HS6ST3: variants seen among roughly 807,000 people sequenced by gnomAD.
The protein encoded by HS6ST3 is heparan-sulfate 6-O-sulfotransferase 3.
Under a neutral mutation model 36.7 loss-of-function variants are expected in HS6ST3, and 12 were observed. The observed-to-expected ratio is 0.33, with a 90% CI of 0.21 to 0.53. The LOEUF (loss-of-function observed/expected upper bound fraction) is 0.53, where lower values mean the gene tolerates loss of function less well. Ranked by LOEUF, HS6ST3 falls within the 20% of genes least tolerant of loss-of-function variation. The pLI, the probability that HS6ST3 is intolerant of heterozygous loss-of-function variation, is 0.95. For synonymous variants in HS6ST3, 240 were observed against 257.5 expected, an observed-to-expected ratio of 0.93 and a Z score of 0.65; for missense variants, 584 against 640.9, an observed-to-expected ratio of 0.91 and a Z score of 0.96.
intron 1 of HS6ST3, among the ~76,000 whole-genome samples, chr13:96,335,386 C>T (rs565603373): frequency 1.3e-5 from 2 of 152,184 alleles, no homozygotes; most frequent in African/African-American, 2.4e-5. Flanking sequence ...TTTGAACTGA[C>T]CTTGGTGATG....
intron 1 of HS6ST3, among the ~76,000 whole-genome samples, chr13:96,269,988 G>A (rs2054712070): frequency 6.6e-6 from 1 of 151,938 alleles, no homozygotes; most frequent in African/African-American, 2.4e-5. Context: ...AGACTTATCA[G>A]AATGCAGCCA....
At chr13:96,456,295 C>A (rs1464908927) in intron 1 of HS6ST3, among the ~76,000 whole-genome samples, 1 of 152,100 alleles carries the variant, frequency 6.6e-6, no homozygotes, top group East Asian at 1.9e-4. Flanking sequence ...TGTGAGAAAT[C>A]ATTTCTGCTG....
intron 1 of HS6ST3, among the ~76,000 whole-genome samples, chr13:96,207,191 A>G (rs2054374794): frequency 6.6e-6 from 1 of 152,224 alleles, no homozygotes; most frequent in South Asian, 2.1e-4. Context: ...TGTGGCCAAC[A>G]AATACGAAAA....
At chr13:96,340,569 A>G (rs1488013461) in intron 1 of HS6ST3, among the ~76,000 whole-genome samples, 2 of 152,172 alleles carry the variant, frequency 1.3e-5, no homozygotes, top group African/African-American at 4.8e-5. Flanking sequence ...CACACTATAG[A>G]CACAGGTGCA....
chr13:96,568,388 T>G (rs1397523404), intron 1 of HS6ST3, among the ~76,000 whole-genome samples: 2 of 152,186 alleles, frequency 1.3e-5, no homozygotes, highest in Non-Finnish European at 2.9e-5. Flanking sequence ...TTCCTCAGCC[T>G]CCTGAGTAGC....
intron 1 of HS6ST3, among the ~76,000 whole-genome samples, chr13:96,596,217 G>A (rs1371625416): frequency 1.3e-5 from 2 of 152,104 alleles, no homozygotes; most frequent in Non-Finnish European, 1.5e-5. Context: ...CCATTTCTGA[G>A]TTACTTCACC....
intron 1 of HS6ST3, among the ~76,000 whole-genome samples, chr13:96,602,917 A>G (rs2056426655): frequency 6.6e-6 from 1 of 152,150 alleles, no homozygotes; most frequent in Non-Finnish European, 1.5e-5. Context: ...TGAAAGATGG[A>G]TGACATGTTT....
At chr13:96,419,748 T>C (rs185360113) in intron 1 of HS6ST3, among the ~76,000 whole-genome samples, 2 of 152,238 alleles carry the variant, frequency 1.3e-5, no homozygotes, top group Non-Finnish European at 2.9e-5. Context: ...TCTTTGGCCT[T>C]CTTTGGCTGT....
At chr13:96,741,658 C>T (rs563114546) in intron 1 of HS6ST3, among the ~76,000 whole-genome samples, 41 of 152,292 alleles carry the variant, frequency 2.7e-4, no homozygotes, top group South Asian at 6.2e-4. Context: ...CACTGACTGA[C>T]AAGCTTTACC....
chr13:96,513,479 C>G (rs2056059182), intron 1 of HS6ST3, among the ~76,000 whole-genome samples: 1 of 152,086 alleles, frequency 6.6e-6, no homozygotes, highest in African/African-American at 2.4e-5. Context: ...ATAATTTTCA[C>G]CATGATACTG....
At chr13:96,708,600 A>T (rs1566435112) in intron 1 of HS6ST3, among the ~76,000 whole-genome samples, 1 of 152,138 alleles carries the variant, frequency 6.6e-6, no homozygotes, top group Non-Finnish European at 1.5e-5. Flanking sequence ...GGCCAGGCAT[A>T]TACACAACTA....
chr13:96,803,706 C>T (rs1878135452), intron 1 of HS6ST3, among the ~76,000 whole-genome samples: 1 of 152,112 alleles, frequency 6.6e-6, no homozygotes, highest in Non-Finnish European at 1.5e-5. Flanking sequence ...AGATCCAATA[C>T]TGAGAGTGGG....
chr13:96,623,248 T>G (rs1462243787), intron 1 of HS6ST3, among the ~76,000 whole-genome samples: 1 of 152,200 alleles, frequency 6.6e-6, no homozygotes, highest in African/African-American at 2.4e-5. Flanking sequence ...TGAGTCTATG[T>G]GACAGCATAT....
At position 96,657,446 on chromosome 13, in the gene HS6ST3, G is replaced by A. The variant is rs542434555; in HGVS notation, c.708-175044G>A. Among the ~76,000 whole-genome samples, 5 of 152,138 alleles carry A rather than the reference G, an allele frequency of 3.3e-5. No homozygotes were observed. The South Asian group carries it at 1.0e-3, about 32-fold the overall frequency. On this transcript the variant is annotated intron_variant, in intron 1 of 1. Coordinates refer to ENST00000376705, the MANE Select transcript of HS6ST3 (RefSeq NM_153456.4). ...TGAAGTGGGAGGATCGCTTGAACCT[G>A]GGAGGTCAAAGATGCAGTGAGCTGA...
rs180821549 is a variant in HS6ST3, at chr13:96,120,888, C to T, written c.707+29319C>T. Among the ~76,000 whole-genome samples, 36 of 152,182 alleles carry T rather than the reference C, an allele frequency of 2.4e-4. 1 individual carries two copies. In the East Asian group the frequency reaches 6.0e-3, roughly 25 times the overall value. On this transcript the variant is annotated intron_variant, in intron 1 of 1. Coordinates refer to ENST00000376705, the MANE Select transcript of HS6ST3 (RefSeq NM_153456.4). ...GACATGTATTACAAAAGCAGTGGAA[C>T]GTTGTATATTAGGTCATTACAGGTC...
At chr13:96,280,945 G>T (rs552344129) in intron 1 of HS6ST3, among the ~76,000 whole-genome samples, 43 of 152,196 alleles carry the variant, frequency 2.8e-4, no homozygotes, top group African/African-American at 1.0e-3. Context: ...CTGGTTTTTC[G>T]TATCCTGCTT....
At chr13:96,163,421 G>A (rs891263452) in intron 1 of HS6ST3, among the ~76,000 whole-genome samples, 7 of 151,848 alleles carry the variant, frequency 4.6e-5, no homozygotes, top group Middle Eastern at 3.4e-3. Flanking sequence ...AGTAGAGATG[G>A]GGTTTCACCG....
intron 1 of HS6ST3, among the ~76,000 whole-genome samples, chr13:96,764,684 C>A (rs1877051740): frequency 6.6e-6 from 1 of 152,150 alleles, no homozygotes; most frequent in Non-Finnish European, 1.5e-5. Flanking sequence ...AGGCAGGATC[C>A]TTGCTTGCTG....
chr13:96,453,800 G>A (rs893456267), intron 1 of HS6ST3, among the ~76,000 whole-genome samples: 7 of 152,052 alleles, frequency 4.6e-5, no homozygotes, highest in Middle Eastern at 3.2e-3. Context: ...CCTTCTTTTC[G>A]CCAACTCTGA....
Sources: allele counts gnomAD v4.1 joint callset (sites outside exome capture counted in the v4.1 genomes callset), GRCh38; gene constraint gnomAD v4.1.1; transcripts MANE v1.5; gene names NCBI Gene and HGNC (gene_info 2026-07-23, HGNC 2026-07-21).